NRXN3: variants seen among roughly 807,000 people sequenced by gnomAD.
NRXN3 encodes neurexin III.
In NRXN3, 32 loss-of-function variants were observed where a neutral mutation model predicts 137.6. The observed-to-expected ratio is 0.23, with a 90% CI of 0.18 to 0.31. The LOEUF (loss-of-function observed/expected upper bound fraction) is 0.31. NRXN3 is among the 10% of genes least tolerant of loss of function. NRXN3 has a pLI of 1.00. For synonymous variants in NRXN3, 798 were observed against 784.5 expected (o/e 1.02, Z -0.29); for missense variants, 1,574 against 2,062.5 (o/e 0.76, Z 4.59).
chr14:79,064,656 A>G (rs1209093178), intron 15 of NRXN3, among the ~76,000 whole-genome samples: 1 of 149,744 alleles, frequency 6.7e-6, no homozygotes, highest in Non-Finnish European at 1.5e-5. Context: ...ATTAACAAAT[A>G]TATATGGGTA....
chr14:79,441,009 G>A (rs1795322788), intron 15 of NRXN3, among the ~76,000 whole-genome samples: 1 of 152,128 alleles, frequency 6.6e-6, no homozygotes, highest in Admixed American at 6.5e-5. Context: ...AAATGCTTAG[G>A]TTAACCCAAC....
chr14:79,204,269 A>G (rs879804606), intron 15 of NRXN3, among the ~76,000 whole-genome samples: 5 of 151,674 alleles, frequency 3.3e-5, no homozygotes, highest in Non-Finnish European at 5.9e-5. Context: ...TTGCTCTGGT[A>G]TATGGAAGTG....
At chr14:79,568,955 T>C (rs1397431344) in intron 16 of NRXN3, among the ~76,000 whole-genome samples, 1 of 152,152 alleles carries the variant, frequency 6.6e-6, no homozygotes, top group Non-Finnish European at 1.5e-5. Context: ...ATACATCTTC[T>C]GAGCATTCCC....
intron 4 of NRXN3, among the ~76,000 whole-genome samples, chr14:78,553,404 C>T (rs1405788294): frequency 2.0e-5 from 3 of 152,138 alleles, no homozygotes; most frequent in African/African-American, 7.2e-5. Context: ...CTGCTACAGT[C>T]CCCACTGAGT....
At chr14:78,679,440 A>C (rs891136487) in intron 6 of NRXN3, among the ~76,000 whole-genome samples, 33 of 152,182 alleles carry the variant, frequency 2.2e-4, no homozygotes, top group African/African-American at 8.0e-4. Flanking sequence ...TATGATTTTA[A>C]AAACCTTATA....
At chr14:79,495,337 C>A (rs1031282617) in intron 16 of NRXN3, among the ~76,000 whole-genome samples, 2 of 152,208 alleles carry the variant, frequency 1.3e-5, no homozygotes, top group Non-Finnish European at 2.9e-5. Flanking sequence ...TACAAGGATG[C>A]CATGCCTAGT....
At chr14:78,294,224 T>C (rs188186421) in intron 3 of NRXN3, among the ~76,000 whole-genome samples, 1 of 152,276 alleles carries the variant, frequency 6.6e-6, no homozygotes, top group Non-Finnish European at 1.5e-5. Flanking sequence ...TACATTTCCA[T>C]AGCATAATAA....
At chr14:78,419,981 ACACAC>A (rs1439248084) in intron 4 of NRXN3, among the ~76,000 whole-genome samples, 24 of 39,898 alleles carry the variant, frequency 6.0e-4, no homozygotes, top group Middle Eastern at 0.015. Context: ...ACACACACAC[ACACAC>A]GTAAAGTCCT....
At chr14:78,173,708 G>GTTTTTTTTTTTTT (rs1296589683) in intron 1 of NRXN3, among the ~76,000 whole-genome samples, 8 of 8,988 alleles carry the variant, frequency 8.9e-4, no homozygotes, top group East Asian at 4.1e-3. Context: ...CTTTTTCCTT[G>GTTTTTTTTTTTTT]CTTTTTTTTT....
intron 16 of NRXN3, among the ~76,000 whole-genome samples, chr14:79,575,978 GAC>G (rs1395113315): frequency 1.3e-5 from 2 of 152,076 alleles, no homozygotes; most frequent in Non-Finnish European, 2.9e-5. Flanking sequence ...GAAGAAGAAA[GAC>G]AAAAAAGTCC....
chr14:79,172,696 C>T (rs945778056), intron 15 of NRXN3, among the ~76,000 whole-genome samples: 1 of 152,142 alleles, frequency 6.6e-6, no homozygotes, highest in East Asian at 1.9e-4. Context: ...TAAAATCTCC[C>T]TCTGGTGTCT....
intron 4 of NRXN3, among the ~76,000 whole-genome samples, chr14:78,435,554 GA>G (rs2094035503): frequency 1.3e-5 from 2 of 152,048 alleles, no homozygotes; most frequent in African/African-American, 4.8e-5. Context: ...ATTTTCCTAG[GA>G]TGTACTTAGA....
rs201997927 is a variant in NRXN3 at position 79,280,097 on chromosome 14, AT to A, written c.3263-187123del. 3,313 of 1,396,170 alleles carry A rather than the reference AT, an allele frequency of 2.4e-3. 70 individuals carry two copies. In the African/African-American group the frequency reaches 0.043, roughly 18 times the overall value. The allele number at this position is 1,396,170 out of a possible 1,614,324, so 86.5% of individuals were successfully genotyped here. A position where few individuals can be genotyped will look rare whatever the true frequency, so the allele number is the denominator to read the frequency against. ...AAAGAGAAGGGGCTTTTTGCCTTTT[AT>A]CTTTTTTTTTTCTTTCTTTAAGTAG... On this transcript the variant is annotated intron_variant, in intron 15 of 20. Transcript: ENST00000335750.
intron 16 of NRXN3, among the ~76,000 whole-genome samples, chr14:79,647,044 A>G (rs2098456061): frequency 7.5e-6 from 1 of 133,888 alleles, no homozygotes; most frequent in Non-Finnish European, 1.7e-5. Flanking sequence ...CTCCCATCCA[A>G]CTCCACAAGC....
chr14:79,269,591 G>C (rs2078995010), intron 15 of NRXN3, among the ~76,000 whole-genome samples: 1 of 152,138 alleles, frequency 6.6e-6, no homozygotes, highest in Non-Finnish European at 1.5e-5. Flanking sequence ...TCTGCAGTCT[G>C]TCCCACGGTT....
chr14:79,323,869 A>C (rs1197691425), intron 15 of NRXN3, among the ~76,000 whole-genome samples: 1 of 152,186 alleles, frequency 6.6e-6, no homozygotes, highest in Non-Finnish European at 1.5e-5. Flanking sequence ...AAAAAAAAAA[A>C]TTATATAGTA....
chr14:78,714,411 A>T (rs868809573), intron 7 of NRXN3, among the ~76,000 whole-genome samples: 1 of 152,234 alleles, frequency 6.6e-6, no homozygotes, highest in African/African-American at 2.4e-5. Context: ...CTTCACGGTT[A>T]TACAGCTCAT....
intron 4 of NRXN3, among the ~76,000 whole-genome samples, chr14:78,457,894 A>G (rs994782421): frequency 6.6e-6 from 1 of 152,146 alleles, no homozygotes; most frequent in Non-Finnish European, 1.5e-5. Context: ...CCTGATGCCC[A>G]TGGGTGATGT....
chr14:79,139,185 C>T (rs2058550815), intron 15 of NRXN3, among the ~76,000 whole-genome samples: 1 of 152,156 alleles, frequency 6.6e-6, no homozygotes, highest in Non-Finnish European at 1.5e-5. Context: ...CCTGGATCTA[C>T]TTTGAATGGT....
Sources: gnomAD v4.1 joint callset for allele counts (sites outside exome capture counted in the v4.1 genomes callset) on GRCh38, gnomAD v4.1.1 for gene constraint, MANE v1.5 for transcripts, NCBI Gene and HGNC (gene_info 2026-07-23, HGNC 2026-07-21) for gene names.